VPS9D1: variants seen among roughly 807,000 people sequenced by gnomAD.
VPS9D1 encodes VPS9 domain containing 1, also known as VPS9 domain-containing protein 1.
VPS9D1 carries 78 observed loss-of-function variants against 75.8 expected under a neutral mutation model. The ratio of observed to expected loss-of-function variants is 1.03; its 90% CI spans 0.86 to 1.24. The LOEUF (loss-of-function observed/expected upper bound fraction) is 1.24. VPS9D1 is among the 50% of genes most tolerant of loss of function. The pLI, the probability that VPS9D1 is intolerant of heterozygous loss-of-function variation, is 0.00. For missense variants in VPS9D1, 1,057 were observed against 847.7 expected, an observed-to-expected ratio of 1.25 and a Z score of -3.07; for synonymous variants, 481 against 385.6, an observed-to-expected ratio of 1.25 and a Z score of -2.90.
rs533298115 is a variant in VPS9D1 at position 89,708,741 on chromosome 16, T to G, written c.1697+116A>C. On this transcript the variant is annotated intron_variant, in intron 13 of 14. Transcript: ENST00000389386. ...GGCTGGGCCCACACGGCCCTCCTGC[T>G]TCTACAGTGCAGCCAGCTGGCACAA... The G allele has an allele frequency of 5.5e-4, 686 of 1,236,130 alleles. 3 individuals are homozygous for G. In the African/African-American group the frequency reaches 9.4e-3, roughly 17 times the overall value. The allele number at this position is 1,236,130 out of a possible 1,614,324, so 76.6% of individuals were successfully genotyped here. A position where few individuals can be genotyped will look rare whatever the true frequency, so the allele number is the denominator to read the frequency against.
rs202109670 is a variant in VPS9D1 at position 89,709,195 on chromosome 16, T to C, written c.1597+32A>G. 24 of 1,608,418 alleles carry C rather than the reference T, an allele frequency of 1.5e-5. No homozygotes were observed. The South Asian group carries it at 2.3e-4, about 15-fold the overall frequency. ...CAGGTCACCTACTGGGATGGGAGCC[T>C]GTCCCTCCCCCTGACTCTCGAACCT... On this transcript the variant is annotated intron_variant, in intron 12 of 14. Coordinates refer to ENST00000389386, the MANE Select transcript of VPS9D1 (RefSeq NM_004913.3).
At position 89,710,537 on chromosome 16, in the gene VPS9D1, G is replaced by C. The variant is rs766665235; in HGVS notation, c.1258+49C>G. ...ACAGAAGCTTGAAACGGACCAATAA[G>C]CAGGGGTGAAGAGCTGCGGCGGCTC... is the stretch of plus-strand genomic sequence containing the variant. On this transcript the variant is annotated intron_variant, in intron 10 of 14. Transcript: ENST00000389386. The C allele has an allele frequency of 2.6e-6, 4 of 1,533,362 alleles. No homozygotes were observed. In the African/African-American group the frequency reaches 4.1e-5, roughly 16 times the overall value. 95.0% of individuals were successfully genotyped at this position (1,533,362 alleles called of 1,614,324 possible).
Position 89,708,383 on chromosome 16 carries a change from T to C in VPS9D1, c.1802+44A>G, listed in dbSNP as rs1168511887. ...CGTTTAGGTTGAGGGATGAGGTCCC[T>C]GCTCTTCGCACAGAGACCCCCACCC... On this transcript the variant is annotated intron_variant, in intron 14 of 14. Transcript: ENST00000389386. 3.2e-6 allele frequency: 5 copies of C among 1,555,392 alleles called. No individual in the cohort carries two copies. The African/African-American group carries it at 4.1e-5, about 13-fold the overall frequency.
rs897055822 is a variant in VPS9D1, at chr16:89,711,268, A to G, written c.833+59T>C. ...CAGCCCCTCTCCGGCACCTGGCACC[A>G]GGCAGAGGTGCCCAAGGCCGGTGCG... On this transcript the variant is annotated intron_variant, in intron 9 of 14. Coordinates refer to ENST00000389386, the MANE Select transcript of VPS9D1 (RefSeq NM_004913.3). 25 of 1,515,952 alleles carry G rather than the reference A, an allele frequency of 1.6e-5. No individual in the cohort carries two copies. In the African/African-American group the frequency reaches 3.3e-4, roughly 20 times the overall value. 93.9% of individuals were successfully genotyped at this position (1,515,952 alleles called of 1,614,324 possible).
chr16:89,714,092 A>G (rs2061005899), intron 4 of VPS9D1, among the ~76,000 whole-genome samples: 1 of 151,702 alleles, frequency 6.6e-6, no homozygotes, highest in South Asian at 2.1e-4. Flanking sequence ...ATGTGACACC[A>G]CGCCCAGCTA....
At chr16:89,715,584 C>G (rs2061045044) in intron 4 of VPS9D1, among the ~76,000 whole-genome samples, 1 of 150,620 alleles carries the variant, frequency 6.6e-6, no homozygotes, top group African/African-American at 2.4e-5. Flanking sequence ...TGCACTGGCA[C>G]AATCACGGCT....
Position 89,712,486 on chromosome 16 carries a change from C to T in VPS9D1, c.580G>A (p.Val194Met). 1 of 1,613,364 alleles carries T rather than the reference C, an allele frequency of 6.2e-7. No individual in the cohort carries two copies. The highest frequency in any genetic ancestry group is 8.5e-7 in the Non-Finnish European group (1 of 1,180,000). ...GTCTCCTCCCGGGCTTTGGCAATCACTAGGTTCTCCATCATCTGCCGCTGT... is the reference window on the plus strand; with the variant it reads ...GTCTCCTCCCGGGCTTTGGCAATCATTAGGTTCTCCATCATCTGCCGCTGT... ...SLQRQMMENL[V>M]IAKAREETLQ... The change falls in exon 6 of 15, where the codon GTG becomes ATG. Residue 194 changes from valine to methionine, a missense_variant. Val to Met is a conservative substitution (Grantham distance 21). Coordinates refer to ENST00000389386, the MANE Select transcript of VPS9D1 (RefSeq NM_004913.3).
intron 1 of VPS9D1, among the ~76,000 whole-genome samples, chr16:89,719,547 G>A (rs895926235): frequency 6.6e-6 from 1 of 152,208 alleles, no homozygotes; most frequent in African/African-American, 2.4e-5. Context: ...AGAGGATAAA[G>A]GGAGTGATAC....
chr16:89,709,938 AG>A (rs1479750909), intron 10 of VPS9D1, 32 bp from the exon 11 acceptor site: 1 of 1,572,142 alleles, frequency 6.4e-7, no homozygotes, highest in African/African-American at 1.4e-5. Context: ...ACGTCCACAG[AG>A]GCTCCTCCCC....
chr16:89,708,739 G>C (rs1338326170), intron 13 of VPS9D1, 118 bp downstream of exon 13: 9 of 1,223,328 alleles, frequency 7.4e-6, no homozygotes, highest in African/African-American at 4.6e-5. Flanking sequence ...CGGCCCTCCT[G>C]CTTCTACAGT....
At chr16:89,715,723 T>C (rs1403425112) in intron 4 of VPS9D1, among the ~76,000 whole-genome samples, 2 of 151,978 alleles carry the variant, frequency 1.3e-5, no homozygotes, top group Non-Finnish European at 2.9e-5. Flanking sequence ...TTGCCCAGGC[T>C]GGAGTGCAGT....
At chr16:89,712,171 G>C in intron 6 of VPS9D1, 72 bp from the exon 7 acceptor site, 1 of 1,541,202 alleles carries the variant, frequency 6.5e-7, no homozygotes, top group Non-Finnish European at 8.8e-7. Context: ...TCCCACACCC[G>C]GAGAGGCCGG....
chr16:89,710,151 G>A (rs1199936585), intron 10 of VPS9D1, among the ~76,000 whole-genome samples: 1 of 152,210 alleles, frequency 6.6e-6, no homozygotes, highest in Admixed American at 6.5e-5. Flanking sequence ...TTTCTCAAAA[G>A]GGGCTTTACC....
intron 14 of VPS9D1, 40 bp downstream of exon 14, chr16:89,708,387 C>A (rs1293042814): frequency 1.3e-6 from 2 of 1,569,528 alleles, no homozygotes; most frequent in African/African-American, 2.7e-5. Flanking sequence ...GGTCCCTGCT[C>A]TTCGCACAGA....
chr16:89,716,372 CA>C (rs1051047740), intron 4 of VPS9D1, 89 bp downstream of exon 4: 3,500 of 1,412,428 alleles, frequency 2.5e-3, no homozygotes, highest in African/African-American at 0.01. Context: ...TCTCAAAAAA[CA>C]AAAAAAAAAT....
chr16:89,717,394 G>A (rs1191138028), intron 2 of VPS9D1: 3 of 374,480 alleles, frequency 8.0e-6, no homozygotes, highest in East Asian at 1.5e-4. Context: ...TGAGGGGATC[G>A]CCTCACCCAT....
chr16:89,712,427 C>T (rs1399278781), intron 6 of VPS9D1, 33 bp downstream of exon 6: 5 of 1,611,186 alleles, frequency 3.1e-6, no homozygotes, highest in Non-Finnish European at 3.4e-6. Context: ...TGAGTTTCCC[C>T]TCGGGGACCA....
chr16:89,717,174 C>T (rs1483148054), intron 2 of VPS9D1, among the ~76,000 whole-genome samples: 1 of 145,908 alleles, frequency 6.9e-6, no homozygotes, highest in East Asian at 2.0e-4. Context: ...GGCAAGGCCC[C>T]TGCCCCCACC....
chr16:89,720,694 C>T (rs1463201865), intron 1 of VPS9D1, 69 bp downstream of exon 1: 7 of 1,318,514 alleles, frequency 5.3e-6, no homozygotes, highest in African/African-American at 1.5e-5. Context: ...CCCGTCCTCG[C>T]CCTCCCCGGG....
Sources: gnomAD v4.1 joint callset for allele counts (sites outside exome capture counted in the v4.1 genomes callset) on GRCh38, gnomAD v4.1.1 for gene constraint, MANE v1.5 for transcripts, NCBI Gene and HGNC (gene_info 2026-07-23, HGNC 2026-07-21) for gene names.